PDE4D: variants seen among roughly 807,000 people sequenced by gnomAD.
PDE4D encodes the protein 3',5'-cyclic-AMP phosphodiesterase 4D.
PDE4D carries 24 observed loss-of-function variants against 87.4 expected under a neutral mutation model. That is an observed-to-expected ratio of 0.27 (90% CI 0.20 to 0.39). The LOEUF (loss-of-function observed/expected upper bound fraction) is 0.39. Among genes scored for constraint, PDE4D ranks in the 10% least tolerant of loss-of-function variants. The pLI is 1.00. For missense variants in PDE4D, 714 were observed against 1,041.0 expected (o/e 0.69, Z 4.32); for synonymous variants, 384 against 383.2 (o/e 1.00, Z -0.02).
chr5:59,074,135 C>G (rs1765306535), intron 5 of PDE4D, among the ~76,000 whole-genome samples: 1 of 152,142 alleles, frequency 6.6e-6, no homozygotes, highest in African/African-American at 2.4e-5. Context: ...TTCTGTCACA[C>G]ATAATTCAAG....
At chr5:60,508,214 T>C (rs1750409769) in intron 1 of PDE4D, among the ~76,000 whole-genome samples, 1 of 152,230 alleles carries the variant, frequency 6.6e-6, no homozygotes, top group Non-Finnish European at 1.5e-5. Flanking sequence ...TTCCTTGTTG[T>C]TCAGGACCAG....
chr5:59,814,374 A>G (rs1481729791), intron 1 of PDE4D, among the ~76,000 whole-genome samples: 1 of 152,200 alleles, frequency 6.6e-6, no homozygotes. Context: ...CCTGCATGCT[A>G]TCTATAGTAT....
At chr5:59,922,316 T>A (rs1469908087) in intron 3 of PDE4D, among the ~76,000 whole-genome samples, 1 of 151,988 alleles carries the variant, frequency 6.6e-6, no homozygotes, top group African/African-American at 2.4e-5. Flanking sequence ...GATGCTGGGA[T>A]GGGTTTAGAA....
intron 2 of PDE4D, among the ~76,000 whole-genome samples, chr5:60,061,976 T>C (rs1771461683): frequency 6.6e-6 from 1 of 152,134 alleles, no homozygotes; most frequent in Non-Finnish European, 1.5e-5. Flanking sequence ...GAAGAAAACC[T>C]AGGCAATCCC....
intron 1 of PDE4D, among the ~76,000 whole-genome samples, chr5:59,802,841 C>T (rs562093024): frequency 2.6e-5 from 4 of 152,272 alleles, no homozygotes; most frequent in Middle Eastern, 6.8e-3. Context: ...TCAATAGTCC[C>T]TGCAGTGCTC....
chr5:60,116,416 T>C (rs1778178000), intron 2 of PDE4D, among the ~76,000 whole-genome samples: 2 of 152,016 alleles, frequency 1.3e-5, no homozygotes, highest in African/African-American at 4.8e-5. Flanking sequence ...ACACCCCCCA[T>C]TGCCATATAG....
intron 1 of PDE4D, among the ~76,000 whole-genome samples, chr5:59,701,921 A>G (rs977519001): frequency 6.6e-6 from 1 of 152,180 alleles, no homozygotes. Context: ...GGAGGCAGAG[A>G]GTGGCATAAA....
chr5:59,264,897 G>A (rs1231462198), intron 1 of PDE4D, among the ~76,000 whole-genome samples: 1 of 151,972 alleles, frequency 6.6e-6, no homozygotes, highest in East Asian at 1.9e-4. Context: ...TTTGTCTGTT[G>A]TTCTTTAGAA....
At chr5:59,929,688 A>G (rs928476746) in intron 3 of PDE4D, among the ~76,000 whole-genome samples, 2 of 152,202 alleles carry the variant, frequency 1.3e-5, no homozygotes, top group African/African-American at 4.8e-5. Flanking sequence ...TACTTCTTAT[A>G]CATACTTATT....
intron 5 of PDE4D, among the ~76,000 whole-genome samples, chr5:59,111,573 G>T (rs1203839367): frequency 1.3e-5 from 2 of 151,950 alleles, no homozygotes; most frequent in African/African-American, 4.8e-5. Context: ...GAAAAAAAAA[G>T]CCATACTTTC....
At chr5:59,491,290 C>G (rs1221545863) in intron 1 of PDE4D, among the ~76,000 whole-genome samples, 1 of 152,094 alleles carries the variant, frequency 6.6e-6, no homozygotes, top group Admixed American at 6.5e-5. Context: ...AAACTGAAAT[C>G]AGATACCATA....
rs893850685 is a variant in PDE4D, at chr5:59,221,891, A to G, written c.456-5923T>C. 7.2e-5 allele frequency among the ~76,000 whole-genome samples: 11 copies of G among 152,328 alleles called. No individual in the cohort carries two copies. In the South Asian group the frequency reaches 1.0e-3, roughly 14 times the overall value. On this transcript the variant is annotated intron_variant, in intron 1 of 14. Coordinates refer to ENST00000340635, the MANE Select transcript of PDE4D (RefSeq NM_001104631.2). ...TTAATGCAATTTAAGAATGCACACAATTCTTAAAAGAGATAACTTTTGCCA... is the reference window on the plus strand; with the variant it reads ...TTAATGCAATTTAAGAATGCACACAGTTCTTAAAAGAGATAACTTTTGCCA...
At chr5:60,518,762 G>T (rs114803708) in intron 1 of PDE4D, among the ~76,000 whole-genome samples, 2,215 of 152,214 alleles carry the variant, frequency 0.015, 45 homozygotes, top group African/African-American at 0.051. Flanking sequence ...GTTGAAAGTT[G>T]CTAGGGGCTC....
Position 59,471,211 on chromosome 5 carries a change from C to A in PDE4D, c.456-255243G>T, listed in dbSNP as rs942575088. Among the ~76,000 whole-genome samples the A allele has an allele frequency of 4.3e-4, 65 of 152,190 alleles. 1 individual carries two copies. Among genetic ancestry groups the A allele is most frequent in the African/African-American group, 1.4e-3 (60 of 41,512 alleles). On this transcript the variant is annotated intron_variant, in intron 1 of 14. Coordinates refer to ENST00000340635, the MANE Select transcript of PDE4D (RefSeq NM_001104631.2). ...AGTGAGCCATGATCCTGCCACTGCACTCCAGCCTGGGCAATAGAGTGAGGC... is the reference window on the plus strand; with the variant it reads ...AGTGAGCCATGATCCTGCCACTGCAATCCAGCCTGGGCAATAGAGTGAGGC...
At chr5:59,665,781 C>T (rs1419137391) in intron 1 of PDE4D, among the ~76,000 whole-genome samples, 1 of 152,098 alleles carries the variant, frequency 6.6e-6, no homozygotes, top group Non-Finnish European at 1.5e-5. Context: ...ATTAAAGAGG[C>T]CCCTTCTTCC....
intron 1 of PDE4D, among the ~76,000 whole-genome samples, chr5:59,726,419 T>C (rs1756597579): frequency 6.6e-6 from 1 of 151,994 alleles, no homozygotes; most frequent in Admixed American, 6.6e-5. Flanking sequence ...GGTGATGAGA[T>C]CATGAGGGTG....
chr5:60,076,244 C>T (rs1226403482), intron 2 of PDE4D, among the ~76,000 whole-genome samples: 3 of 151,962 alleles, frequency 2.0e-5, no homozygotes, highest in African/African-American at 7.3e-5. Context: ...CTGCAAGCTC[C>T]GTCTCCCGTG....
chr5:59,912,041 G>A (rs1753500735), intron 3 of PDE4D, among the ~76,000 whole-genome samples: 1 of 152,084 alleles, frequency 6.6e-6, no homozygotes, highest in Non-Finnish European at 1.5e-5. Flanking sequence ...AAGGGAGGAG[G>A]CTTTAAACTA....
At chr5:60,222,919 T>C (rs1248388980) in intron 1 of PDE4D, among the ~76,000 whole-genome samples, 7 of 152,190 alleles carry the variant, frequency 4.6e-5, no homozygotes, top group Admixed American at 1.3e-4. Flanking sequence ...CTGTGAGCTC[T>C]TTTAAAGATA....
Sources: gnomAD v4.1 joint callset for allele counts (sites outside exome capture counted in the v4.1 genomes callset) on GRCh38, gnomAD v4.1.1 for gene constraint, MANE v1.5 for transcripts, NCBI Gene and HGNC (gene_info 2026-07-23, HGNC 2026-07-21) for gene names.